ITGBL1: variants seen among roughly 807,000 people sequenced by gnomAD.
The protein encoded by ITGBL1 is integrin subunit beta like 1, also known as integrin beta-like protein 1.
In ITGBL1, 51 loss-of-function variants were observed where a neutral mutation model predicts 68.5. The observed-to-expected ratio is 0.74, with a 90% CI of 0.59 to 0.94. The LOEUF is 0.94. ITGBL1 is among the 40% of genes least tolerant of loss of function. The probability of loss-of-function intolerance (pLI) is 0.00; values close to 1 mark genes in which losing one functional copy is unlikely to be tolerated. For missense variants in ITGBL1, 649 were observed against 647.4 expected (o/e 1.00, Z -0.03); for synonymous variants, 209 against 227.3 (o/e 0.92, Z 0.72).
At chr13:101,493,596 T>C (rs1267331934) in intron 2 of ITGBL1, among the ~76,000 whole-genome samples, 1 of 152,182 alleles carries the variant, frequency 6.6e-6, no homozygotes, top group Non-Finnish European at 1.5e-5. Context: ...ATGTGACTTG[T>C]GCCTTCATCA....
At chr13:101,708,828 T>G (rs116466050) in intron 9 of ITGBL1, among the ~76,000 whole-genome samples, 104 of 152,342 alleles carry the variant, frequency 6.8e-4, no homozygotes, top group Middle Eastern at 3.4e-3. Context: ...GCCATCAACC[T>G]AATGTCATTA....
At chr13:101,713,072 A>G (rs2034550010) in intron 9 of ITGBL1, 1 of 152,258 alleles carries the variant, frequency 6.6e-6, no homozygotes, top group Non-Finnish European at 1.5e-5. Context: ...CACAATTGTC[A>G]CAATCTAAAT....
At chr13:101,598,365 C>T in intron 7 of ITGBL1, 66 bp downstream of exon 7, 1 of 1,215,212 alleles carries the variant, frequency 8.2e-7, no homozygotes, top group Non-Finnish European at 1.1e-6. Flanking sequence ...TCAATGCACA[C>T]ACATCTTTTT....
At chr13:101,488,091 T>TA (rs988769175) in intron 2 of ITGBL1, among the ~76,000 whole-genome samples, 1 of 152,166 alleles carries the variant, frequency 6.6e-6, no homozygotes, top group African/African-American at 2.4e-5. Flanking sequence ...GATTGGGACT[T>TA]ACAGTAAACA....
At chr13:101,655,755 G>C (rs921142568) in intron 7 of ITGBL1, among the ~76,000 whole-genome samples, 2 of 152,204 alleles carry the variant, frequency 1.3e-5, no homozygotes, top group South Asian at 2.1e-4. Flanking sequence ...ATCGTATGGA[G>C]GCAGATCTTA....
At chr13:101,546,702 G>A (rs1304849464) in intron 2 of ITGBL1, among the ~76,000 whole-genome samples, 2 of 151,906 alleles carry the variant, frequency 1.3e-5, no homozygotes, top group Non-Finnish European at 2.9e-5. Context: ...TATAGAATTA[G>A]CATAGAATTA....
intron 8 of ITGBL1, among the ~76,000 whole-genome samples, chr13:101,699,032 C>T (rs763284448): frequency 1.1e-4 from 17 of 152,198 alleles, no homozygotes; most frequent in Admixed American, 3.3e-4. Flanking sequence ...GAGATCATGC[C>T]GCCTGAGAGT....
At chr13:101,715,081 CAG>C (rs1327063765) in intron 10 of ITGBL1, 2 of 163,630 alleles carry the variant, frequency 1.2e-5, no homozygotes, top group South Asian at 1.7e-4. Flanking sequence ...TACGAGGAAA[CAG>C]AGACATGTAT....
At position 101,470,026 on chromosome 13, in the gene ITGBL1, T is replaced by A. The variant is rs952537725; in HGVS notation, c.316+15926T>A. Among the ~76,000 whole-genome samples, 17 of 152,322 alleles carry A rather than the reference T, an allele frequency of 1.1e-4. No homozygotes were observed. In the East Asian group the frequency reaches 3.1e-3, roughly 28 times the overall value. ...CACTTATTAAACATCTCCAGAAGGA[T>A]GTCTAGAGAAGAACAGGGAAATCTT... On this transcript the variant is annotated intron_variant, in intron 2 of 10. Coordinates refer to ENST00000376180, the MANE Select transcript of ITGBL1 (RefSeq NM_004791.3).
Position 101,622,911 on chromosome 13 carries a change from A to ATGTGTGTGTGTG in ITGBL1, c.1015+24615_1015+24616insGTGTGTGTGTGT, listed in dbSNP as rs756971096. Among the ~76,000 whole-genome samples, 323 of 115,034 alleles carry ATGTGTGTGTGTG rather than the reference A, an allele frequency of 2.8e-3. 7 individuals are homozygous for ATGTGTGTGTGTG. The highest frequency in any genetic ancestry group is 0.011 in the Admixed American group (138 of 12,518). The allele number at this position is 115,034 out of a possible 152,430, so 75.5% of individuals were successfully genotyped here. On this transcript the variant is annotated intron_variant, in intron 7 of 10. Coordinates refer to ENST00000376180, the MANE Select transcript of ITGBL1 (RefSeq NM_004791.3). ...TGAGGCTGGGATGTGTGTGTGGGGT[A>ATGTGTGTGTGTG]TGTATGTGTGTGTGTGTGTGTGTGT...
At chr13:101,639,803 C>G (rs1409453302) in intron 7 of ITGBL1, among the ~76,000 whole-genome samples, 6 of 152,178 alleles carry the variant, frequency 3.9e-5, no homozygotes, top group Non-Finnish European at 8.8e-5. Flanking sequence ...TTCGGTTAAA[C>G]TTCAGATCAT....
At chr13:101,472,311 C>A (rs2048473150) in intron 2 of ITGBL1, among the ~76,000 whole-genome samples, 2 of 152,160 alleles carry the variant, frequency 1.3e-5, no homozygotes, top group African/African-American at 4.8e-5. Flanking sequence ...GCAAAGATAA[C>A]AACCAAACTG....
chr13:101,533,567 T>C, intron 2 of ITGBL1, among the ~76,000 whole-genome samples: 1 of 152,244 alleles, frequency 6.6e-6, no homozygotes, highest in Non-Finnish European at 1.5e-5. Flanking sequence ...TATTTGATGT[T>C]AAATAAATGT....
At chr13:101,463,898 T>C (rs2048348694) in intron 2 of ITGBL1, among the ~76,000 whole-genome samples, 1 of 149,348 alleles carries the variant, frequency 6.7e-6, no homozygotes, top group Admixed American at 6.7e-5. Context: ...TAGGAGTCAT[T>C]CTAGTTCTTT....
intron 7 of ITGBL1, among the ~76,000 whole-genome samples, chr13:101,659,066 C>T (rs1044579571): frequency 9.4e-5 from 7 of 74,758 alleles, no homozygotes; most frequent in Admixed American, 1.8e-4. Flanking sequence ...TTTTTTGAGG[C>T]GGAATCTCGC....
intron 7 of ITGBL1, among the ~76,000 whole-genome samples, chr13:101,634,781 G>T (rs1226715000): frequency 6.6e-6 from 1 of 152,008 alleles, no homozygotes; most frequent in Non-Finnish European, 1.5e-5. Flanking sequence ...GAAGTGCAAT[G>T]AAGAAAATGA....
At chr13:101,618,520 A>G (rs2031455997) in intron 7 of ITGBL1, among the ~76,000 whole-genome samples, 1 of 152,182 alleles carries the variant, frequency 6.6e-6, no homozygotes, top group Non-Finnish European at 1.5e-5. Context: ...AAACAAATAA[A>G]TGATTTATGT....
chr13:101,575,525 G>C lies in ITGBL1; in HGVS notation c.565G>C (p.Glu189Gln). The C allele has an allele frequency of 6.2e-7, 1 of 1,612,466 alleles. No individual in the cohort carries two copies. Among genetic ancestry groups the C allele is most frequent in the Non-Finnish European group, 8.5e-7 (1 of 1,178,768 alleles). Residue 189 changes from glutamate to glutamine, a missense_variant, in exon 4 of 11, where the codon GAA (glutamate) becomes CAA (glutamine). Coordinates refer to ENST00000376180, the MANE Select transcript of ITGBL1 (RefSeq NM_004791.3). ...ECDDRECIDD[E>Q]TEEICGGHGK... ...TGACGATAGAGAATGCATAGACGATGAAACAGAAGAAATATGTGGAGGTAT... is the reference window on the plus strand; with the variant it reads ...TGACGATAGAGAATGCATAGACGATCAAACAGAAGAAATATGTGGAGGTAT...
intron 7 of ITGBL1, among the ~76,000 whole-genome samples, chr13:101,667,612 C>T (rs1594966970): frequency 6.6e-6 from 1 of 152,100 alleles, no homozygotes; most frequent in Admixed American, 6.6e-5. Context: ...TTAAGTTTAG[C>T]CATGTGAACA....
Sources: allele counts gnomAD v4.1 joint callset (sites outside exome capture counted in the v4.1 genomes callset), GRCh38; gene constraint gnomAD v4.1.1; transcripts MANE v1.5; gene names NCBI Gene and HGNC (gene_info 2026-07-23, HGNC 2026-07-21).